The following DLGAP2 variants were observed in gnomAD, a reference collection of about 807,000 sequenced individuals.
The protein encoded by DLGAP2 is disks large-associated protein 2.
A neutral mutation model predicts 100.3 loss-of-function variants in DLGAP2; 26 were observed. That is an observed-to-expected ratio of 0.26 (90% confidence interval 0.19 to 0.36). DLGAP2 has a LOEUF of 0.36. Among genes scored for constraint, DLGAP2 ranks in the 10% least tolerant of loss-of-function variants. The probability of loss-of-function intolerance (pLI) is 1.00; values close to 1 mark genes in which losing one functional copy is unlikely to be tolerated. For synonymous variants in DLGAP2, 886 were observed against 630.1 expected (o/e 1.41, Z -6.08); for missense variants, 1,858 against 1,453.2 (o/e 1.28, Z -4.53).
chr8:960,250 T>TTTTTTTTTTTTTTTTTTTTTTTTTTTG (rs1799693787), intron 2 of DLGAP2, among the ~76,000 whole-genome samples: 1 of 141,472 alleles, frequency 7.1e-6, no homozygotes, highest in Non-Finnish European at 1.5e-5. Flanking sequence ...TTTTTTTTTT[T>TTTTTTTTTTTTTTTTTTTTTTTTTTTG]TTCCCGAGAC....
At chr8:1,196,203 G>A (rs1049211813) in intron 2 of DLGAP2, among the ~76,000 whole-genome samples, 10 of 152,204 alleles carry the variant, frequency 6.6e-5, no homozygotes, top group Admixed American at 5.9e-4. Flanking sequence ...GTTTTGTTTG[G>A]TAAAATATCC....
Position 1,685,385 on chromosome 8 carries a change from T to C in DLGAP2, c.2705-6150T>C, listed in dbSNP as rs184595059. Reference sequence around the variant, plus strand: ...AGCACAGCAGATGCCTGTGCACATATTGGCAGCTACCAGCCTTAGGGGTCA... The same window carrying C: ...AGCACAGCAGATGCCTGTGCACATACTGGCAGCTACCAGCCTTAGGGGTCA... On this transcript the variant is annotated intron_variant, in intron 12 of 14. Coordinates refer to ENST00000637795, the MANE Select transcript of DLGAP2 (RefSeq NM_001346810.2). Among the ~76,000 whole-genome samples the C allele has an allele frequency of 1.1e-3, 161 of 152,292 alleles. 1 individual carries two copies. Among genetic ancestry groups the C allele is most frequent in the African/African-American group, 3.6e-3 (150 of 41,568 alleles).
chr8:916,518 G>T (rs1171141354), intron 2 of DLGAP2, among the ~76,000 whole-genome samples: 2 of 152,164 alleles, frequency 1.3e-5, no homozygotes, highest in Non-Finnish European at 2.9e-5. Flanking sequence ...ACACACCGGG[G>T]CCTGTTGAGG....
intron 1 of DLGAP2, among the ~76,000 whole-genome samples, chr8:816,891 C>A (rs1796490282): frequency 6.6e-6 from 1 of 152,172 alleles, no homozygotes. Context: ...TCCCAAACTT[C>A]TTAGAGGCTT....
At position 1,156,988 on chromosome 8, in the gene DLGAP2, C is replaced by A. The variant is rs979700803; in HGVS notation, c.74-101863C>A. 2.0e-5 allele frequency among the ~76,000 whole-genome samples: 3 copies of A among 152,040 alleles called. No homozygotes were observed. In the South Asian group the frequency reaches 6.2e-4, roughly 32 times the overall value. On this transcript the variant is annotated intron_variant, in intron 2 of 14. Transcript: ENST00000637795. ...AATTCTCCACTGTTACAGCTCCTCC[C>A]CCGAGTCCCCTCCAAGTTTCAGGCA...
intron 2 of DLGAP2, among the ~76,000 whole-genome samples, chr8:1,071,341 G>A (rs1286941296): frequency 1.3e-5 from 2 of 152,124 alleles, no homozygotes; most frequent in African/African-American, 2.4e-5. Flanking sequence ...CCGCCTCCAC[G>A]GTGCTTGACT....
At chr8:1,121,788 A>C (rs1796056174) in intron 2 of DLGAP2, among the ~76,000 whole-genome samples, 1 of 152,034 alleles carries the variant, frequency 6.6e-6, no homozygotes, top group Non-Finnish European at 1.5e-5. Flanking sequence ...TTGTCTCCTT[A>C]GAACCCGTGG....
At chr8:1,376,198 A>G (rs955707379) in intron 3 of DLGAP2, among the ~76,000 whole-genome samples, 3 of 152,260 alleles carry the variant, frequency 2.0e-5, no homozygotes, top group Non-Finnish European at 4.4e-5. Context: ...AGAATGAGGC[A>G]GTAAACTCAG....
intron 2 of DLGAP2, among the ~76,000 whole-genome samples, chr8:1,172,733 A>G (rs1266694196): frequency 6.6e-6 from 1 of 152,138 alleles, no homozygotes; most frequent in African/African-American, 2.4e-5. Context: ...TTTCAGCTCC[A>G]TCAGCTCCTT....
intron 2 of DLGAP2, among the ~76,000 whole-genome samples, chr8:912,722 T>TG (rs1798512584): frequency 6.6e-6 from 1 of 150,888 alleles, no homozygotes; most frequent in Admixed American, 6.6e-5. Flanking sequence ...TCTGTGGAGC[T>TG]GACCCCTGCG....
At chr8:933,743 C>T (rs1313625911) in intron 2 of DLGAP2, among the ~76,000 whole-genome samples, 1 of 15,244 alleles carries the variant, frequency 6.6e-5, no homozygotes, top group African/African-American at 3.5e-4. Flanking sequence ...GCCGTGGGCA[C>T]GAGGGGAGGG....
intron 2 of DLGAP2, among the ~76,000 whole-genome samples, chr8:1,093,540 AACAGCCAGACAGAAACACCCTCACACCG>A (rs1804258676): frequency 1.4e-5 from 2 of 147,908 alleles, no homozygotes; most frequent in African/African-American, 5.0e-5. Flanking sequence ...CCTTCACACC[AACAGCCAGACAGAAACACCCTCACACCG>A]ACAGCCAGAC....
chr8:1,574,438 G>A (rs557749678), intron 6 of DLGAP2, among the ~76,000 whole-genome samples: 6 of 152,034 alleles, frequency 3.9e-5, no homozygotes, highest in African/African-American at 7.2e-5. Flanking sequence ...TCACACCACC[G>A]GAAGTCAACT....
At chr8:855,248 C>T (rs562162812) in intron 1 of DLGAP2, among the ~76,000 whole-genome samples, 1 of 152,260 alleles carries the variant, frequency 6.6e-6, no homozygotes, top group Non-Finnish European at 1.5e-5. Flanking sequence ...TTTCCTTTCT[C>T]TTTTTTCAGA....
chr8:980,220 C>T (rs1584943692), intron 2 of DLGAP2, among the ~76,000 whole-genome samples: 1 of 152,128 alleles, frequency 6.6e-6, no homozygotes, highest in South Asian at 2.1e-4. Flanking sequence ...TCTGCGTGGA[C>T]ATTGTAGCCA....
intron 3 of DLGAP2, among the ~76,000 whole-genome samples, chr8:1,476,571 C>G (rs1440634845): frequency 2.6e-5 from 4 of 152,192 alleles, no homozygotes; most frequent in African/African-American, 9.7e-5. Flanking sequence ...GTTCCCAGGG[C>G]AAATGTTAGT....
chr8:1,696,908 C>G (rs1024225819), intron 13 of DLGAP2, among the ~76,000 whole-genome samples: 7 of 152,242 alleles, frequency 4.6e-5, no homozygotes, highest in Middle Eastern at 3.2e-3. Context: ...CCATTCCCAG[C>G]ATTTTCAACG....
At chr8:1,600,553 T>G (rs1343202363) in intron 6 of DLGAP2, among the ~76,000 whole-genome samples, 1 of 152,240 alleles carries the variant, frequency 6.6e-6, no homozygotes, top group African/African-American at 2.4e-5. Flanking sequence ...CCATATTTCT[T>G]GGAGGCTTTG....
chr8:1,511,283 T>C (rs1279627600), intron 4 of DLGAP2, among the ~76,000 whole-genome samples: 1 of 151,466 alleles, frequency 6.6e-6, no homozygotes, highest in Non-Finnish European at 1.5e-5. Context: ...AATCAGTAGA[T>C]GACCATCTAC....
Sources: allele counts gnomAD v4.1 joint callset (sites outside exome capture counted in the v4.1 genomes callset), GRCh38; gene constraint gnomAD v4.1.1; transcripts MANE v1.5; gene names NCBI Gene and HGNC (gene_info 2026-07-23, HGNC 2026-07-21).